MMP26: variants seen among roughly 807,000 people sequenced by gnomAD.
The protein encoded by MMP26 is matrix metallopeptidase 26, also known as matrix metalloproteinase-26.
In MMP26, 33 loss-of-function variants were observed where a neutral mutation model predicts 31.0. The ratio of observed to expected loss-of-function variants is 1.06; its 90% CI spans 0.81 to 1.42. MMP26 has a LOEUF of 1.42. MMP26 is among the 40% of genes most tolerant of loss of function. The pLI is 0.00. For synonymous variants in MMP26, 122 were observed against 114.9 expected (o/e 1.06, Z -0.40); for missense variants, 347 against 316.1 (o/e 1.10, Z -0.74).
chr11:4,758,653 G>A (rs1266440202), intron 1 of MMP26, among the ~76,000 whole-genome samples: 3 of 151,966 alleles, frequency 2.0e-5, no homozygotes, highest in African/African-American at 4.8e-5. Flanking sequence ...GATATAAACT[G>A]TAGAGGTAAA....
At chr11:4,855,416 G>A (rs1424602831) in intron 2 of MMP26, among the ~76,000 whole-genome samples, 2 of 152,160 alleles carry the variant, frequency 1.3e-5, no homozygotes, top group Admixed American at 6.5e-5. Context: ...CGAGAACTAC[G>A]TGATGCATGC....
At chr11:4,882,920 A>G in intron 2 of MMP26, 1 of 1,544,014 alleles carries the variant, frequency 6.5e-7, no homozygotes, top group Non-Finnish European at 8.8e-7. Flanking sequence ...TATGCTTTGG[A>G]AAGAAAGGGA....
rs570627781 is a variant in MMP26, at chr11:4,860,952, T to A, written c.-145+93611T>A. The stretch of plus-strand genomic sequence containing the variant: ...TAGAGCATATTGCTAAATAATTTTT[T>A]AAAACCCCATTAAAACCTCACAATA... On this transcript the variant is annotated intron_variant, in intron 2 of 7. Transcript: ENST00000380390. 1.9e-4 allele frequency among the ~76,000 whole-genome samples: 29 copies of A among 151,876 alleles called. No individual in the cohort carries two copies. In the South Asian group the frequency reaches 5.4e-3, roughly 28 times the overall value.
intron 1 of MMP26, among the ~76,000 whole-genome samples, chr11:4,739,103 T>C (rs1436637047): frequency 6.6e-6 from 1 of 152,200 alleles, no homozygotes. Flanking sequence ...AAAAGCCAAC[T>C]GTATTAAGCT....
At chr11:4,762,158 A>G (rs1848576349) in intron 1 of MMP26, among the ~76,000 whole-genome samples, 1 of 152,196 alleles carries the variant, frequency 6.6e-6, no homozygotes, top group Non-Finnish European at 1.5e-5. Context: ...TGCTTGACAC[A>G]AAATCAGTGG....
chr11:4,806,874 G>A (rs1849277658), intron 2 of MMP26, among the ~76,000 whole-genome samples: 2 of 152,078 alleles, frequency 1.3e-5, no homozygotes, highest in Non-Finnish European at 2.9e-5. Flanking sequence ...TTTCCAAGCT[G>A]TTTTGTATAT....
intron 2 of MMP26, chr11:4,946,675 T>G (rs79530945): frequency 6.3e-7 from 1 of 1,592,016 alleles, no homozygotes; most frequent in East Asian, 2.2e-5. Context: ...TTTGGGCAAC[T>G]CTGACAGTTG....
chr11:4,951,877 A>G (rs977720592), intron 2 of MMP26, among the ~76,000 whole-genome samples: 1 of 125,018 alleles, frequency 8.0e-6, no homozygotes, highest in African/African-American at 2.7e-5. Flanking sequence ...CCCACGATTT[A>G]GCAAACTACG....
intron 2 of MMP26, among the ~76,000 whole-genome samples, chr11:4,926,207 T>C (rs11034689): frequency 0.23 from 34,037 of 151,232 alleles, 4,204 homozygotes; most frequent in Admixed American, 0.33. Context: ...TCTTGTTTTA[T>C]GATTTCAAAT....
chr11:4,905,889 T>A (rs1850880452), intron 2 of MMP26, among the ~76,000 whole-genome samples: 1 of 152,212 alleles, frequency 6.6e-6, no homozygotes, highest in Non-Finnish European at 1.5e-5. Flanking sequence ...AATCAGGTTC[T>A]GTTTATTATG....
intron 2 of MMP26, among the ~76,000 whole-genome samples, chr11:4,885,772 A>G (rs1032839719): frequency 6.6e-6 from 1 of 152,092 alleles, no homozygotes; most frequent in African/African-American, 2.4e-5. Flanking sequence ...TTAAATATTT[A>G]CCTGCTATTA....
At chr11:4,734,654 G>C (rs2133286715) in intron 1 of MMP26, among the ~76,000 whole-genome samples, 1 of 151,978 alleles carries the variant, frequency 6.6e-6, no homozygotes, top group East Asian at 1.9e-4. Context: ...GGGTTATTTA[G>C]GAATGTATTA....
At chr11:4,903,554 G>A (rs1358030799) in intron 2 of MMP26, among the ~76,000 whole-genome samples, 1 of 151,992 alleles carries the variant, frequency 6.6e-6, no homozygotes, top group Non-Finnish European at 1.5e-5. Flanking sequence ...AACTTCAAAT[G>A]TTTACCTTTC....
At position 4,923,866 on chromosome 11, in the gene MMP26, G is replaced by A. The variant is rs751571335; in HGVS notation, c.-144-64202G>A. Reference sequence around the variant, plus strand: ...GCTTCAGGAGGAATGGCAAGGGGAGGATGAGGAGAGCACTTCTAAGCACTG... The same window carrying A: ...GCTTCAGGAGGAATGGCAAGGGGAGAATGAGGAGAGCACTTCTAAGCACTG... On this transcript the variant is annotated intron_variant, in intron 2 of 7. Transcript: ENST00000380390. The A allele has an allele frequency of 5.6e-6, 9 of 1,613,898 alleles. No homozygotes were observed. In the East Asian group the frequency reaches 1.8e-4, roughly 32 times the overall value.
At chr11:4,831,429 T>G (rs1331299966) in intron 2 of MMP26, among the ~76,000 whole-genome samples, 1 of 152,252 alleles carries the variant, frequency 6.6e-6, no homozygotes, top group African/African-American at 2.4e-5. Context: ...CCTATCTTTT[T>G]CTGTGAATAT....
At chr11:4,833,962 C>A (rs1849680920) in intron 2 of MMP26, among the ~76,000 whole-genome samples, 2 of 152,080 alleles carry the variant, frequency 1.3e-5, no homozygotes, top group South Asian at 4.1e-4. Context: ...CTTTCACTCT[C>A]CTGACAACAA....
intron 2 of MMP26, among the ~76,000 whole-genome samples, chr11:4,772,543 T>C (rs34170551): frequency 0.095 from 14,419 of 152,196 alleles, 838 homozygotes; most frequent in Middle Eastern, 0.15. Context: ...TCCTGATATA[T>C]TAATTTGGCC....
At chr11:4,891,302 G>A (rs753035631) in intron 2 of MMP26, among the ~76,000 whole-genome samples, 1 of 152,054 alleles carries the variant, frequency 6.6e-6, no homozygotes, top group Non-Finnish European at 1.5e-5. Context: ...CATGACAGAA[G>A]GTGAAGTAGA....
Position 4,735,329 on chromosome 11 carries a change from T to A in MMP26, c.-217+30284T>A, listed in dbSNP as rs746137792. On this transcript the variant is annotated intron_variant, in intron 1 of 7. Coordinates refer to ENST00000380390, the MANE Select transcript of MMP26 (RefSeq NM_021801.5). Reference sequence around the variant, plus strand: ...ATATCACTATATATATGTGTGTGTGTATATATCTATATGGTTGTATAGCTA... The same window carrying A: ...ATATCACTATATATATGTGTGTGTGAATATATCTATATGGTTGTATAGCTA... 2.0e-5 allele frequency among the ~76,000 whole-genome samples: 3 copies of A among 152,250 alleles called. No homozygotes were observed. In the East Asian group the frequency reaches 5.8e-4, roughly 29 times the overall value.
Sources: allele counts gnomAD v4.1 joint callset (sites outside exome capture counted in the v4.1 genomes callset), GRCh38; gene constraint gnomAD v4.1.1; transcripts MANE v1.5; gene names NCBI Gene and HGNC (gene_info 2026-07-23, HGNC 2026-07-21).